The following ASIC2 variants were observed in gnomAD, a reference collection of about 807,000 sequenced individuals.
The protein encoded by ASIC2 is acid-sensing ion channel 2.
Under a neutral mutation model 57.3 loss-of-function variants are expected in ASIC2, and 25 were observed. That is an observed-to-expected ratio of 0.44 (90% CI 0.32 to 0.61). ASIC2 has a LOEUF of 0.61. Among genes scored for constraint, ASIC2 ranks in the 20% least tolerant of loss-of-function variants. The pLI is 0.06. For missense variants in ASIC2, 641 were observed against 738.1 expected, an observed-to-expected ratio of 0.87 and a Z score of 1.52; for synonymous variants, 319 against 307.5, an observed-to-expected ratio of 1.04 and a Z score of -0.39.
At chr17:33,830,612 A>G (rs1476738385) in intron 1 of ASIC2, among the ~76,000 whole-genome samples, 1 of 152,096 alleles carries the variant, frequency 6.6e-6, no homozygotes, top group African/African-American at 2.4e-5. Flanking sequence ...TTTGTTACAT[A>G]GGTATACATG....
chr17:33,414,464 G>C (rs2141967029), intron 1 of ASIC2, among the ~76,000 whole-genome samples: 1 of 152,302 alleles, frequency 6.6e-6, no homozygotes, highest in South Asian at 2.1e-4. Context: ...AGCTGAGCAG[G>C]CTATCTATTG....
chr17:33,955,192 C>A (rs1904696285), intron 1 of ASIC2: 1 of 152,208 alleles, frequency 6.6e-6, no homozygotes, highest in Non-Finnish European at 1.5e-5. Flanking sequence ...AATCCAAGGT[C>A]TTTCTAATAC....
rs536337014 is a variant in ASIC2, at chr17:33,699,615, CCT to C, written c.555+456361_555+456362del. Among the ~76,000 whole-genome samples the C allele has an allele frequency of 5.7e-4, 86 of 152,168 alleles. 2 individuals carry two copies. The highest frequency in any genetic ancestry group is 1.9e-3 in the African/African-American group (80 of 41,500). On this transcript the variant is annotated intron_variant, in intron 1 of 9. Coordinates refer to the ASIC2 transcript ENST00000359872. ...TGGTTACAGCTCATCTACATGTCTC[CCT>C]CTCTCCCAAATTCAGCAGCAGAGAC...
At chr17:33,439,117 T>G (rs1911734128) in intron 1 of ASIC2, among the ~76,000 whole-genome samples, 1 of 152,160 alleles carries the variant, frequency 6.6e-6, no homozygotes, top group Non-Finnish European at 1.5e-5. Context: ...GTGCTGGGAT[T>G]CCAGGCATGA....
At chr17:33,272,909 C>T (rs967191233) in intron 1 of ASIC2, among the ~76,000 whole-genome samples, 5 of 152,180 alleles carry the variant, frequency 3.3e-5, no homozygotes, top group African/African-American at 9.7e-5. Context: ...CATTCAGCTC[C>T]ACGATACCCT....
intron 1 of ASIC2, among the ~76,000 whole-genome samples, chr17:33,599,355 T>C (rs11080230): frequency 0.085 from 12,911 of 152,038 alleles, 1,429 homozygotes; most frequent in African/African-American, 0.26. Context: ...AGGAGCCTGA[T>C]GAGGTATGTG....
rs556234664 is a variant in ASIC2, at chr17:34,147,983, A to G, written c.555+7995T>C. Reference sequence around the variant, plus strand: ...CCACATCTCAGCTCTTACAAAAGAAATCAGTAGCAAACTAGGATTCACTTT... The same window carrying G: ...CCACATCTCAGCTCTTACAAAAGAAGTCAGTAGCAAACTAGGATTCACTTT... On this transcript the variant is annotated intron_variant, in intron 1 of 9. Transcript: ENST00000359872. 2.0e-5 allele frequency among the ~76,000 whole-genome samples: 3 copies of G among 152,286 alleles called. No homozygotes were observed. The East Asian group carries it at 5.8e-4, about 29-fold the overall frequency.
intron 1 of ASIC2, among the ~76,000 whole-genome samples, chr17:33,364,160 CCTT>C (rs745648927): frequency 1.3e-5 from 2 of 152,148 alleles, no homozygotes; most frequent in Non-Finnish European, 2.9e-5. Flanking sequence ...TTCTGCAGCA[CCTT>C]CTTGCTTCTC....
intron 1 of ASIC2, among the ~76,000 whole-genome samples, chr17:33,128,022 G>A (rs2092330785): frequency 6.6e-6 from 1 of 152,188 alleles, no homozygotes; most frequent in South Asian, 2.1e-4. Flanking sequence ...ATAACTCTGT[G>A]CTTTCAGACA....
At chr17:33,359,734 C>T (rs1242709621) in intron 1 of ASIC2, among the ~76,000 whole-genome samples, 2 of 152,174 alleles carry the variant, frequency 1.3e-5, no homozygotes, top group African/African-American at 4.8e-5. Context: ...GAAAGTAGGG[C>T]ACCTTTTTGC....
chr17:33,913,266 T>C (rs1172485339), intron 1 of ASIC2, among the ~76,000 whole-genome samples: 3 of 152,186 alleles, frequency 2.0e-5, no homozygotes, highest in Non-Finnish European at 4.4e-5. Flanking sequence ...ATGTTAGCTA[T>C]TATTATTTTC....
chr17:33,985,852 T>C (rs1335558441), intron 1 of ASIC2, among the ~76,000 whole-genome samples: 1 of 152,180 alleles, frequency 6.6e-6, no homozygotes, highest in African/African-American at 2.4e-5. Context: ...TATGTCCAGG[T>C]CCACAGGCCT....
intron 1 of ASIC2, among the ~76,000 whole-genome samples, chr17:33,269,606 G>T (rs908975208): frequency 4.1e-5 from 5 of 122,164 alleles, no homozygotes; most frequent in African/African-American, 1.5e-4. Context: ...GAACCTAAGG[G>T]CTCCTTCCCT....
chr17:33,222,083 C>A (rs2142098456), intron 1 of ASIC2, among the ~76,000 whole-genome samples: 1 of 152,220 alleles, frequency 6.6e-6, no homozygotes, highest in African/African-American at 2.4e-5. Flanking sequence ...GGCTTGATAC[C>A]TGGGATGCTT....
intron 3 of ASIC2, among the ~76,000 whole-genome samples, chr17:33,047,185 G>T (rs916488933): frequency 1.3e-5 from 2 of 152,176 alleles, no homozygotes; most frequent in African/African-American, 4.8e-5. Context: ...TTCTGCCAGG[G>T]TGAAATCTGG....
At chr17:33,295,151 C>T (rs1180102506), upstream of ASIC2, among the ~76,000 whole-genome samples, 6 of 152,076 alleles carry the variant, frequency 3.9e-5, no homozygotes. Flanking sequence ...TGGGCTTGCT[C>T]TTTCCTAGCT....
chr17:33,362,504 GT>G (rs1908649895), intron 1 of ASIC2, among the ~76,000 whole-genome samples: 1 of 152,218 alleles, frequency 6.6e-6, no homozygotes, highest in East Asian at 1.9e-4. Context: ...GGAACACAGT[GT>G]GGGGCAGAGG....
intron 1 of ASIC2, among the ~76,000 whole-genome samples, chr17:34,104,527 T>TAAA (rs1910974767): frequency 6.6e-6 from 1 of 151,882 alleles, no homozygotes; most frequent in Non-Finnish European, 1.5e-5. Flanking sequence ...CATTCTGGCC[T>TAAA]TTTTTTTCTG....
chr17:33,217,177 A>G (rs1363591301), intron 1 of ASIC2, among the ~76,000 whole-genome samples: 1 of 152,206 alleles, frequency 6.6e-6, no homozygotes, highest in African/African-American at 2.4e-5. Flanking sequence ...TTGGACAGCA[A>G]AAGGCCCTGT....
Sources: allele counts gnomAD v4.1 joint callset (sites outside exome capture counted in the v4.1 genomes callset), GRCh38; gene constraint gnomAD v4.1.1; transcripts MANE v1.5; gene names NCBI Gene and HGNC (gene_info 2026-07-23, HGNC 2026-07-21).